AAMDC: variants seen among roughly 807,000 people sequenced by gnomAD.
AAMDC encodes mth938 domain-containing protein.
In AAMDC, 16 loss-of-function variants were observed where a neutral mutation model predicts 15.5. The ratio of observed to expected loss-of-function variants is 1.03; its 90% CI spans 0.70 to 1.57. AAMDC has a LOEUF of 1.57. AAMDC is among the 40% of genes most tolerant of loss of function. The pLI is 0.00. For synonymous variants in AAMDC, 51 were observed against 51.6 expected (o/e 0.99, Z 0.05); for missense variants, 141 against 144.9 (o/e 0.97, Z 0.14).
chr11:77,883,161 T>G (rs902490026), intron 5 of AAMDC, among the ~76,000 whole-genome samples: 2 of 152,032 alleles, frequency 1.3e-5, no homozygotes, highest in South Asian at 2.1e-4. Flanking sequence ...GCATTCCCTA[T>G]CTCTAAAATA....
chr11:77,858,911 C>G (rs373743343), intron 2 of AAMDC, among the ~76,000 whole-genome samples: 98 of 152,284 alleles, frequency 6.4e-4, no homozygotes, highest in African/African-American at 2.2e-3. Context: ...GTTAGAGATA[C>G]AGGGATTGAA....
intron 5 of AAMDC, among the ~76,000 whole-genome samples, chr11:77,884,388 T>C (rs1363749443): frequency 2.0e-5 from 3 of 152,126 alleles, no homozygotes; most frequent in Non-Finnish European, 4.4e-5. Flanking sequence ...AAGTCATTTA[T>C]CTCTCTCTCT....
chr11:77,896,073 TAAGTC>T (rs1459448184), intron 5 of AAMDC, among the ~76,000 whole-genome samples: 26 of 152,264 alleles, frequency 1.7e-4, no homozygotes, highest in Admixed American at 1.5e-3. Context: ...CAAAAAGAGT[TAAGTC>T]AAGGCAAGAA....
intron 1 of AAMDC, among the ~76,000 whole-genome samples, chr11:77,825,698 GTT>G (rs1250441260): frequency 7.2e-6 from 1 of 139,306 alleles, no homozygotes. Context: ...CATTTTTTTT[GTT>G]TTTTTTTTTT....
At chr11:77,837,489 CT>C (rs111335574) in intron 1 of AAMDC, among the ~76,000 whole-genome samples, 25,251 of 151,698 alleles carry the variant, frequency 0.17, 2,495 homozygotes, top group African/African-American at 0.26. Context: ...GAGTCTCGCT[CT>C]GTCACCCAGG....
At chr11:77,884,470 G>C (rs1408304425) in intron 5 of AAMDC, among the ~76,000 whole-genome samples, 9 of 152,202 alleles carry the variant, frequency 5.9e-5, no homozygotes, top group Non-Finnish European at 8.8e-5. Context: ...AACTGCAACA[G>C]AGTTCTTTCC....
At chr11:77,878,939 T>C (rs768095858) in intron 5 of AAMDC, 1 of 1,611,592 alleles carries the variant, frequency 6.2e-7, no homozygotes, top group Non-Finnish European at 8.5e-7. Flanking sequence ...TTGGGAAGAC[T>C]GTTTTTGCCT....
chr11:77,850,316 A>G (rs1950319122), intron 2 of AAMDC, among the ~76,000 whole-genome samples: 1 of 152,212 alleles, frequency 6.6e-6, no homozygotes, highest in Non-Finnish European at 1.5e-5. Context: ...GTACCTAGTC[A>G]AATATAACTT....
At chr11:77,854,466 G>T (rs1950530086) in intron 2 of AAMDC, among the ~76,000 whole-genome samples, 1 of 152,196 alleles carries the variant, frequency 6.6e-6, no homozygotes, top group South Asian at 2.1e-4. Flanking sequence ...TTCCAAAAGT[G>T]AGAAATTATC....
intron 5 of AAMDC, among the ~76,000 whole-genome samples, chr11:77,896,080 A>G (rs1178558514): frequency 6.6e-6 from 1 of 152,250 alleles, no homozygotes; most frequent in Non-Finnish European, 1.5e-5. Flanking sequence ...AGTTAAGTCA[A>G]GGCAAGAAAG....
At chr11:77,867,762 T>C (rs1035057762) in intron 2 of AAMDC, among the ~76,000 whole-genome samples, 1 of 152,220 alleles carries the variant, frequency 6.6e-6, no homozygotes, top group African/African-American at 2.4e-5. Flanking sequence ...GCTACCATCC[T>C]TTAATGCTCA....
intron 1 of AAMDC, among the ~76,000 whole-genome samples, chr11:77,833,343 G>A (rs1949541234): frequency 6.6e-6 from 1 of 152,068 alleles, no homozygotes; most frequent in Admixed American, 6.6e-5. Context: ...TTCCATCTGG[G>A]AGTGATGGGA....
Position 77,835,516 on chromosome 11 carries a change from G to A in AAMDC, c.-18-6963G>A, listed in dbSNP as rs144563005. ...TTTCTAAATCAGACTCATCTTCCTC[G>A]TTGATACTCCCAAAAAAGCAGCAGT... On this transcript the variant is annotated intron_variant, in intron 1 of 3. Coordinates refer to ENST00000393427, the MANE Select transcript of AAMDC (RefSeq NM_024684.4). 2.4e-3 allele frequency among the ~76,000 whole-genome samples: 359 copies of A among 152,214 alleles called. 2 individuals carry two copies. Among genetic ancestry groups the A allele is most frequent in the Middle Eastern group, 3.4e-3 (1 of 294 alleles).
downstream of AAMDC, among the ~76,000 whole-genome samples, chr11:77,905,607 G>A (rs570643771): frequency 7.2e-5 from 11 of 152,254 alleles, no homozygotes; most frequent in Admixed American, 6.5e-4. Context: ...AAACTTCCTC[G>A]ATAAATGAGA....
intron 1 of AAMDC, among the ~76,000 whole-genome samples, chr11:77,831,616 C>G (rs1339098753): frequency 2.0e-5 from 3 of 152,014 alleles, no homozygotes; most frequent in Admixed American, 6.6e-5. Context: ...TTTACTCTCC[C>G]AAGCCATGCT....
At chr11:77,833,810 C>T (rs1254796807) in intron 1 of AAMDC, among the ~76,000 whole-genome samples, 11 of 152,140 alleles carry the variant, frequency 7.2e-5, no homozygotes. Context: ...TCTATCATTC[C>T]ATCTAGATTT....
intron 1 of AAMDC, among the ~76,000 whole-genome samples, chr11:77,833,514 A>C (rs1406071578): frequency 6.6e-6 from 1 of 152,188 alleles, no homozygotes. Context: ...AGCCACAGGA[A>C]GTGGCTTACA....
chr11:77,839,899 G>C (rs868261437), intron 1 of AAMDC, among the ~76,000 whole-genome samples: 1 of 152,084 alleles, frequency 6.6e-6, no homozygotes, highest in African/African-American at 2.4e-5. Context: ...GGGTTGATAG[G>C]TGCAGCAAAC....
Position 77,880,315 on chromosome 11 carries a change from A to G in AAMDC, c.328+3266A>G, listed in dbSNP as rs768230751. ...CAAGCTTCTCTCTATGGGTCAGAGT[A>G]GAGACTGGATTGCTGTCCTCCAGGA... On this transcript the variant is annotated intron_variant, in intron 5 of 5. Transcript: ENST00000304716. Among the ~76,000 whole-genome samples the G allele has an allele frequency of 1.5e-4, 23 of 152,340 alleles. No homozygotes were observed. In the East Asian group the frequency reaches 1.9e-3, roughly 13 times the overall value.
Sources: allele counts gnomAD v4.1 joint callset (sites outside exome capture counted in the v4.1 genomes callset), GRCh38; gene constraint gnomAD v4.1.1; transcripts MANE v1.5; gene names NCBI Gene and HGNC (gene_info 2026-07-23, HGNC 2026-07-21).